The following CDKAL1 variants were observed in gnomAD, a reference collection of about 807,000 sequenced individuals.
CDKAL1 encodes CDKAL1 threonylcarbamoyladenosine tRNA methylthiotransferase, also known as threonylcarbamoyladenosine tRNA methylthiotransferase.
In CDKAL1, 32 loss-of-function variants were observed where a neutral mutation model predicts 68.2. That is an observed-to-expected ratio of 0.47 (90% CI 0.35 to 0.63). The LOEUF (loss-of-function observed/expected upper bound fraction) is 0.63, where lower values mean the gene tolerates loss of function less well. Ranked by LOEUF, CDKAL1 falls within the 30% of genes least tolerant of loss-of-function variation. The pLI is 0.00. For synonymous variants in CDKAL1, 234 were observed against 244.3 expected (o/e 0.96, Z 0.39); for missense variants, 606 against 696.7 (o/e 0.87, Z 1.47).
At chr6:21,046,714 A>T (rs1037460914) in intron 11 of CDKAL1, among the ~76,000 whole-genome samples, 1 of 152,246 alleles carries the variant, frequency 6.6e-6, no homozygotes, top group African/African-American at 2.4e-5. Flanking sequence ...GACACATTTC[A>T]TGTGAGTTTC....
intron 5 of CDKAL1, chr6:20,722,611 G>A (rs897819275): frequency 9.5e-6 from 2 of 209,786 alleles, no homozygotes; most frequent in South Asian, 8.3e-5. Flanking sequence ...ACAGACAGGG[G>A]CCGGACCCTG....
At chr6:20,604,862 C>T (rs1030929902) in intron 4 of CDKAL1, among the ~76,000 whole-genome samples, 1 of 152,196 alleles carries the variant, frequency 6.6e-6, no homozygotes, top group Non-Finnish European at 1.5e-5. Flanking sequence ...CATTGTTACA[C>T]CTAGTAACTC....
At chr6:21,125,757 C>T (rs537976979) in intron 13 of CDKAL1, among the ~76,000 whole-genome samples, 6 of 152,290 alleles carry the variant, frequency 3.9e-5, no homozygotes, top group South Asian at 4.1e-4. Flanking sequence ...AGTGTGAGAA[C>T]GGACTAATAC....
chr6:20,565,643 T>A (rs748591106), intron 4 of CDKAL1, among the ~76,000 whole-genome samples: 2 of 152,132 alleles, frequency 1.3e-5, no homozygotes, highest in Non-Finnish European at 2.9e-5. Context: ...AATGCATAAT[T>A]ACAGGAGGAT....
chr6:20,704,461 A>G (rs1224901833), intron 5 of CDKAL1, among the ~76,000 whole-genome samples: 1 of 151,834 alleles, frequency 6.6e-6, no homozygotes, highest in Non-Finnish European at 1.5e-5. Context: ...GACAGAGGAA[A>G]CAGCAATAAA....
intron 15 of CDKAL1, among the ~76,000 whole-genome samples, chr6:21,212,334 T>TA (rs369507325): frequency 5.9e-5 from 9 of 151,686 alleles, no homozygotes; most frequent in Non-Finnish European, 1.3e-4. Context: ...CTTCAATGGT[T>TA]AAAAAAAAAT....
rs558998997 is a variant in CDKAL1, at chr6:20,695,406, G to A, written c.372-44113G>A. Among the ~76,000 whole-genome samples, 18 of 152,138 alleles carry A rather than the reference G, an allele frequency of 1.2e-4. 1 individual carries two copies. In the South Asian group the frequency reaches 3.7e-3, roughly 32 times the overall value. On this transcript the variant is annotated intron_variant, in intron 5 of 15. Transcript: ENST00000274695. ...TCTCACCATCAAAATCATTCTTTAGGACTGCTTAGGTTAGAGATCCAGCTA... is the reference window on the plus strand; with the variant it reads ...TCTCACCATCAAAATCATTCTTTAGAACTGCTTAGGTTAGAGATCCAGCTA...
chr6:21,066,883 C>A (rs1771475036), intron 12 of CDKAL1, among the ~76,000 whole-genome samples: 2 of 152,160 alleles, frequency 1.3e-5, no homozygotes, highest in South Asian at 4.1e-4. Flanking sequence ...ATGTTGGTCT[C>A]CGAAAGTGCC....
chr6:20,920,096 T>C (rs1581831870), intron 9 of CDKAL1, among the ~76,000 whole-genome samples: 1 of 152,330 alleles, frequency 6.6e-6, no homozygotes, highest in South Asian at 2.1e-4. Flanking sequence ...CTTAATATCC[T>C]TTTAATAAAC....
At chr6:20,694,062 A>ATGTGTGTGTGTGTGTGTGTGTGTG (rs55981799) in intron 5 of CDKAL1, among the ~76,000 whole-genome samples, 1 of 128,962 alleles carries the variant, frequency 7.8e-6, no homozygotes, top group African/African-American at 2.7e-5. Context: ...GTGTGTGTGT[A>ATGTGTGTGTGTGTGTGTGTGTGTG]TGTGTGTGTG....
intron 4 of CDKAL1, among the ~76,000 whole-genome samples, chr6:20,561,968 C>T (rs1430188865): frequency 6.6e-6 from 1 of 152,134 alleles, no homozygotes; most frequent in Non-Finnish European, 1.5e-5. Flanking sequence ...GTCATGGACA[C>T]TACAAATTAT....
chr6:20,543,133 T>C (rs1343693572), intron 2 of CDKAL1, among the ~76,000 whole-genome samples: 2 of 152,234 alleles, frequency 1.3e-5, no homozygotes, highest in African/African-American at 2.4e-5. Flanking sequence ...TGAACATTCA[T>C]GTACAGGTCT....
intron 13 of CDKAL1, among the ~76,000 whole-genome samples, chr6:21,195,134 C>T (rs545233419): frequency 6.6e-6 from 1 of 151,954 alleles, no homozygotes; most frequent in Non-Finnish European, 1.5e-5. Context: ...AAAGCCCTAG[C>T]CTTCCTAGGC....
At chr6:20,846,306 A>G (rs1008431058) in intron 9 of CDKAL1, 128 bp downstream of exon 9, 5 of 589,870 alleles carry the variant, frequency 8.5e-6, no homozygotes, top group Non-Finnish European at 1.2e-5. Flanking sequence ...ATACGAACTT[A>G]ATTAATAAAA....
rs1032585369 is a variant in CDKAL1, at chr6:21,126,108, A to G, written c.1299+17645A>G. ...TTCTTTCACACATCTTTTGTATTCC[A>G]TGTACCCACAGGAAATTAAAATCAT... On this transcript the variant is annotated intron_variant, in intron 13 of 15. Transcript: ENST00000274695. Among the ~76,000 whole-genome samples, 5 of 152,200 alleles carry G rather than the reference A, an allele frequency of 3.3e-5. No homozygotes were observed. In the South Asian group the frequency reaches 1.0e-3, roughly 31 times the overall value.
chr6:20,767,625 G>T (rs1774757608), intron 7 of CDKAL1, among the ~76,000 whole-genome samples: 1 of 151,988 alleles, frequency 6.6e-6, no homozygotes, highest in African/African-American at 2.4e-5. Context: ...TTGATAATTG[G>T]AATAATTAAT....
At chr6:20,650,251 C>T (rs754529585) in intron 5 of CDKAL1, among the ~76,000 whole-genome samples, 3 of 152,198 alleles carry the variant, frequency 2.0e-5, no homozygotes, top group Non-Finnish European at 4.4e-5. Context: ...TTAATAATCG[C>T]CATTCTGACT....
At chr6:20,805,269 G>A (rs996302066) in intron 8 of CDKAL1, among the ~76,000 whole-genome samples, 14 of 152,270 alleles carry the variant, frequency 9.2e-5, no homozygotes, top group Non-Finnish European at 1.8e-4. Flanking sequence ...ACTGTCTCCT[G>A]AGTCTGTGAG....
intron 5 of CDKAL1, among the ~76,000 whole-genome samples, chr6:20,707,520 A>G (rs1264741345): frequency 6.6e-6 from 1 of 152,256 alleles, no homozygotes; most frequent in Non-Finnish European, 1.5e-5. Flanking sequence ...ACTAGCTACC[A>G]TATAGCACCT....
Sources: allele counts gnomAD v4.1 joint callset (sites outside exome capture counted in the v4.1 genomes callset), GRCh38; gene constraint gnomAD v4.1.1; transcripts MANE v1.5; gene names NCBI Gene and HGNC (gene_info 2026-07-23, HGNC 2026-07-21).